LNPEP: variants seen among roughly 807,000 people sequenced by gnomAD.
LNPEP encodes the protein leucyl and cystinyl aminopeptidase, also known as leucyl-cystinyl aminopeptidase.
LNPEP carries 64 observed loss-of-function variants against 120.6 expected under a neutral mutation model. The observed-to-expected ratio is 0.53, with a 90% CI of 0.43 to 0.65. LNPEP has a LOEUF of 0.65. Ranked by LOEUF, LNPEP falls within the 30% of genes least tolerant of loss-of-function variation. LNPEP has a pLI of 0.00. For missense variants in LNPEP, 1,057 were observed against 1,200.0 expected, an observed-to-expected ratio of 0.88 and a Z score of 1.76; for synonymous variants, 435 against 425.4, an observed-to-expected ratio of 1.02 and a Z score of -0.28.
At chr5:97,021,918 CTTTTGTTTTTT>C in intron 13 of LNPEP, among the ~76,000 whole-genome samples, 1 of 50,016 alleles carries the variant, frequency 2.0e-5, no homozygotes, top group Admixed American at 2.0e-4. Flanking sequence ...TGTTTTTTGT[CTTTTGTTTTTT>C]TTTTTTTTTT....
chr5:96,997,985 G>A (rs370105055), intron 7 of LNPEP, 29 bp from the exon 8 acceptor site: 1 of 1,461,388 alleles, frequency 6.8e-7, no homozygotes, highest in Non-Finnish European at 9.3e-7. Context: ...TACTACTTGT[G>A]ATATTCTAAT....
At chr5:96,959,305 T>G (rs2112578210) in intron 1 of LNPEP, among the ~76,000 whole-genome samples, 1 of 152,348 alleles carries the variant, frequency 6.6e-6, no homozygotes, top group East Asian at 1.9e-4. Flanking sequence ...GTGGCTGCTG[T>G]ATGTAGAAGT....
intron 1 of LNPEP, chr5:96,937,397 T>A (rs936891520): frequency 6.6e-6 from 1 of 152,228 alleles, no homozygotes; most frequent in Non-Finnish European, 1.5e-5. Context: ...GGCTTACTGA[T>A]AACAACTTTA....
chr5:97,010,595 T>C (rs772455867), intron 11 of LNPEP: 33 of 985,218 alleles, frequency 3.3e-5, no homozygotes, highest in Non-Finnish European at 3.9e-5. Context: ...TTCAGAACTT[T>C]AGTTTTTTTG....
intron 1 of LNPEP, among the ~76,000 whole-genome samples, chr5:96,976,245 CA>C (rs555966971): frequency 3.3e-4 from 48 of 145,952 alleles, no homozygotes; most frequent in East Asian, 6.0e-4. Context: ...ATTGTGCATA[CA>C]AAAAAAAAAC....
rs1789417391 is a variant in LNPEP, at chr5:96,954,770, A to ATTTTTT, written c.19+18597_19+18598insTTTTTT. The stretch of plus-strand genomic sequence containing the variant: ...TACACATATATATATATATATATAT[A>ATTTTTT]TATTTTTTTTTTTTTTTTTTTTTTT... On this transcript the variant is annotated intron_variant, in intron 1 of 17. Transcript: ENST00000231368. Among the ~76,000 whole-genome samples the ATTTTTT allele has an allele frequency of 2.0e-4, 6 of 29,490 alleles. 1 individual carries two copies. The highest frequency in any genetic ancestry group is 3.9e-4 in the African/African-American group (3 of 7,770). 19.3% of individuals were successfully genotyped at this position (29,490 alleles called of 152,430 possible).
At chr5:97,014,818 T>C in intron 12 of LNPEP, 121 bp from the exon 13 acceptor site, 2 of 536,180 alleles carry the variant, frequency 3.7e-6, no homozygotes, top group East Asian at 3.2e-5. Context: ...AAAATGCCAC[T>C]GTAAGTTTAA....
intron 1 of LNPEP, among the ~76,000 whole-genome samples, chr5:96,976,245 C>CAA (rs555966971): frequency 4.8e-5 from 7 of 145,870 alleles, no homozygotes; most frequent in Admixed American, 1.4e-4. Context: ...ATTGTGCATA[C>CAA]AAAAAAAAAA....
intron 1 of LNPEP, among the ~76,000 whole-genome samples, chr5:96,947,821 A>G (rs1789223491): frequency 1.3e-5 from 2 of 152,190 alleles, no homozygotes; most frequent in South Asian, 4.1e-4. Context: ...TACAAAAAAA[A>G]TCTTGGGAGA....
At chr5:96,961,807 A>AT (rs1434359374) in intron 1 of LNPEP, among the ~76,000 whole-genome samples, 1 of 152,000 alleles carries the variant, frequency 6.6e-6, no homozygotes, top group Admixed American at 6.5e-5. Context: ...ATTATTTTTG[A>AT]TTTTTTCAAT....
intron 1 of LNPEP, among the ~76,000 whole-genome samples, chr5:96,975,444 C>T (rs1255978219): frequency 6.6e-6 from 1 of 152,110 alleles, no homozygotes; most frequent in East Asian, 1.9e-4. Context: ...AGTATCAGTT[C>T]TTGTGCATCT....
In LNPEP at chr5:97,021,589, A is replaced by G. The variant is rs187097590; in HGVS notation, c.2377-711A>G. On this transcript the variant is annotated intron_variant, in intron 13 of 17. Transcript: ENST00000231368. ...TAGGTTTATAGATTGTAAAGTCACA[A>G]GGTCAGGAAGTCCTGACATCCTTCC... Among the ~76,000 whole-genome samples, 265 of 152,346 alleles carry G rather than the reference A, an allele frequency of 1.7e-3. 2 individuals are homozygous for G. The highest frequency in any genetic ancestry group is 3.4e-3 in the Middle Eastern group (1 of 294).
At chr5:96,948,771 T>G (rs1053795731) in intron 1 of LNPEP, among the ~76,000 whole-genome samples, 1 of 152,226 alleles carries the variant, frequency 6.6e-6, no homozygotes, top group African/African-American at 2.4e-5. Flanking sequence ...CACCTTTTAC[T>G]GGAGATACAT....
intron 1 of LNPEP, among the ~76,000 whole-genome samples, chr5:96,952,785 C>T (rs1051393981): frequency 7.8e-5 from 11 of 140,640 alleles, no homozygotes; most frequent in African/African-American, 2.6e-4. Flanking sequence ...CACCCCAGCC[C>T]CTCAACGAAA....
chr5:96,940,665 T>C (rs2112554895), intron 1 of LNPEP, among the ~76,000 whole-genome samples: 1 of 152,354 alleles, frequency 6.6e-6, no homozygotes, highest in Non-Finnish European at 1.5e-5. Context: ...GTAATACTCC[T>C]ATTAGGAAAC....
chr5:96,984,449 G>A (rs1355630040), intron 2 of LNPEP, among the ~76,000 whole-genome samples: 6 of 152,120 alleles, frequency 3.9e-5, no homozygotes, highest in African/African-American at 2.4e-5. Flanking sequence ...GCTAAATCAC[G>A]GAGGTTTGGG....
At position 97,024,687 on chromosome 5, in the gene LNPEP, G is replaced by A; in HGVS notation, c.2723+5G>A. On this transcript the variant is annotated splice_donor_5th_base_variant and intron_variant, in intron 15 of 17. Coordinates refer to ENST00000231368, the MANE Select transcript of LNPEP (RefSeq NM_005575.3). ...GGATGTGCGGAAGCTTTACTGGTAT[G>A]AAATCACCGAGGAATATGATATACA... 1 of 1,611,590 alleles carries A rather than the reference G, an allele frequency of 6.2e-7. No homozygotes were observed. Among genetic ancestry groups the A allele is most frequent in the Non-Finnish European group, 8.5e-7 (1 of 1,178,840 alleles).
intron 1 of LNPEP, among the ~76,000 whole-genome samples, chr5:96,971,455 A>G (rs1156611602): frequency 1.3e-5 from 2 of 151,130 alleles, no homozygotes; most frequent in Non-Finnish European, 3.0e-5. Flanking sequence ...ACTTAATAAT[A>G]TTTTAACTAT....
intron 17 of LNPEP, among the ~76,000 whole-genome samples, chr5:97,028,108 G>A (rs1286198457): frequency 6.6e-6 from 1 of 152,052 alleles, no homozygotes; most frequent in Non-Finnish European, 1.5e-5. Context: ...ATAGCACCAA[G>A]CCTTTGGACT....
Sources: allele counts gnomAD v4.1 joint callset (sites outside exome capture counted in the v4.1 genomes callset), GRCh38; gene constraint gnomAD v4.1.1; transcripts MANE v1.5; gene names NCBI Gene and HGNC (gene_info 2026-07-23, HGNC 2026-07-21).